SCRIB: variants seen among roughly 807,000 people sequenced by gnomAD.
SCRIB encodes the protein scribble planar cell polarity protein.
SCRIB carries 72 observed loss-of-function variants against 170.0 expected under a neutral mutation model. The ratio of observed to expected loss-of-function variants is 0.42; its 90% CI spans 0.35 to 0.52. The LOEUF (loss-of-function observed/expected upper bound fraction) is 0.52, where lower values mean the gene tolerates loss of function less well. SCRIB is among the 20% of genes least tolerant of loss of function. The probability of loss-of-function intolerance (pLI) is 0.02; values close to 1 mark genes in which losing one functional copy is unlikely to be tolerated. For missense variants in SCRIB, 2,475 were observed against 2,338.5 expected (o/e 1.06, Z -1.20); for synonymous variants, 1,298 against 1,044.3 (o/e 1.24, Z -4.68).
Position 143,792,324 on chromosome 8 carries a change from C to T in SCRIB, c.4410G>A (p.Arg1470=), listed in dbSNP as rs782610730. 4 of 1,550,084 alleles carry T rather than the reference C, an allele frequency of 2.6e-6. No individual in the cohort carries two copies. Among genetic ancestry groups the T allele is most frequent in the African/African-American group, 2.7e-5 (2 of 73,712 alleles). ...TAKAERRHQE[R]LRVQSPEPPA... is the part of the protein sequence containing the mutation. ...GTGGCTCCGGACTCTGCACGCGCAG[C>T]CGCTCCTGGTGGCGCCGTTCAGCTT... Residue 1470 remains arginine, a synonymous_variant, in exon 32 of 37, where the codon CGG becomes CGA. Coordinates refer to ENST00000356994, the MANE Select transcript of SCRIB (RefSeq NM_182706.5).
At position 143,805,243 on chromosome 8, in the gene SCRIB, G is replaced by T; in HGVS notation, c.2539C>A (p.Pro847Thr). 1 of 1,536,382 alleles carries T rather than the reference G, an allele frequency of 6.5e-7. No individual in the cohort carries two copies. Among genetic ancestry groups the T allele is most frequent in the Non-Finnish European group, 8.7e-7 (1 of 1,146,152 alleles). The change falls in exon 19 of 37, where the codon CCC (proline) becomes ACC (threonine). Residue 847 changes from proline (P) to threonine (T), a missense_variant. By Grantham distance (38) the Pro-to-Thr change is conservative. Transcript: ENST00000356994. ...CCGGGGCTCTCAGGCGGGAGCAGGG[G>T]CAGGCGCAGCCCCCCTCCCCGCCGC... ...RERRGGGLRL[P>T]LLPPESPGPL...
In SCRIB at chr8:143,811,265, G is replaced by C; in HGVS notation, c.987C>G (p.Pro329=). 2 of 1,612,086 alleles carry C rather than the reference G, an allele frequency of 1.2e-6. No individual in the cohort carries two copies. The highest frequency in any genetic ancestry group is 3.3e-4 in the Middle Eastern group (2 of 6,060). Residue 329 remains proline (P), a synonymous_variant, in exon 10 of 37, where the codon CCC becomes CCG. Transcript: ENST00000356994. ...TGAGTGCCACACAGCCCCCGATCTCGGGCGGCAGCGCCTCGAGGTGGTTCC... is the reference window on the plus strand; with the variant it reads ...TGAGTGCCACACAGCCCCCGATCTCCGGCGGCAGCGCCTCGAGGTGGTTCC... ...VDRNHLEALP[P]EIGGCVALSV... is the part of the protein sequence containing the mutation.
Position 143,815,378 on chromosome 8 carries a change from G to C in SCRIB, c.-6C>G. On this transcript the variant is annotated 5_prime_UTR_variant, in exon 1 of 37. Transcript: ENST00000356994. ...AGCGGGATGCACTTGAGCATGGTGC[G>C]GGTGGGCGGCGCGGGCTCCGGCGGC... is the stretch of plus-strand genomic sequence containing the variant. 7.4e-7 allele frequency: 1 copy of C among 1,353,242 alleles called. No homozygotes were observed. The highest frequency in any genetic ancestry group is 9.6e-7 in the Non-Finnish European group (1 of 1,044,196). 83.8% of individuals were successfully genotyped at this position (1,353,242 alleles called of 1,614,324 possible).
At chr8:143,801,547 TAAAGG>T (rs1186252606) in intron 24 of SCRIB, among the ~76,000 whole-genome samples, 3 of 152,192 alleles carry the variant, frequency 2.0e-5, no homozygotes, top group Non-Finnish European at 4.4e-5. Flanking sequence ...CCCATTTTTT[TAAAGG>T]AAAAGATAAG....
intron 35 of SCRIB, 58 bp downstream of exon 35, chr8:143,791,608 G>GA: frequency 4.6e-6 from 7 of 1,529,340 alleles, no homozygotes; most frequent in Non-Finnish European, 6.3e-6. Flanking sequence ...GGAGCGGATG[G>GA]GGGCGGTGGC....
chr8:143,807,710 G>C, intron 15 of SCRIB, 96 bp from the exon 16 acceptor site: 1 of 991,842 alleles, frequency 1.0e-6, no homozygotes, highest in Non-Finnish European at 1.6e-6. Context: ...AAAGGACAGA[G>C]GAGACCACAG....
chr8:143,797,973 G>A (rs1554634332), intron 24 of SCRIB, among the ~76,000 whole-genome samples: 1 of 152,224 alleles, frequency 6.6e-6, no homozygotes, highest in Non-Finnish European at 1.5e-5. Context: ...ATTTTTCAAA[G>A]AGAAACAAAT....
At chr8:143,806,550 G>GA in intron 17 of SCRIB, 66 bp from the exon 18 acceptor site, 1 of 1,352,404 alleles carries the variant, frequency 7.4e-7, no homozygotes, top group Admixed American at 2.0e-5. Flanking sequence ...TCCTTCTGCA[G>GA]AAGACCCAGG....
In SCRIB at chr8:143,793,079, G is replaced by A; in HGVS notation, c.3914C>T (p.Pro1305Leu). Residue 1305 changes from proline (P) to leucine (L), a missense_variant, in exon 29 of 37, where the codon CCC (proline) becomes CTC (leucine). By Grantham distance (98) the Pro-to-Leu change is moderately conservative. Transcript: ENST00000356994. Reference sequence around the variant, plus strand: ...CAGCTCATCCGGAGAAGGCGGGGAGGGCGGCTGGGGGGTGGGGCTCTTGTG... The same window carrying A: ...CAGCTCATCCGGAGAAGGCGGGGAGAGCGGCTGGGGGGTGGGGCTCTTGTG... ...SPCSPSGQQPPSPPSPDELPA... is the reference protein window; with the variant it reads ...SPCSPSGQQPLSPPSPDELPA... The A allele has an allele frequency of 6.8e-7, 1 of 1,468,530 alleles. No homozygotes were observed. Among genetic ancestry groups the A allele is most frequent in the Non-Finnish European group, 9.0e-7 (1 of 1,107,676 alleles). The allele number at this position is 1,468,530 out of a possible 1,614,324, so 91.0% of individuals were successfully genotyped here.
At position 143,792,480 on chromosome 8, in the gene SCRIB, C is replaced by T. The variant is rs1554633102; in HGVS notation, c.4328+5G>A. The T allele has an allele frequency of 1.3e-6, 2 of 1,534,620 alleles. No homozygotes were observed. Among genetic ancestry groups the T allele is most frequent in the South Asian group, 1.2e-5 (1 of 81,866 alleles). ...GTAGGGGGCGTCTGGTGGGCGGGTGCTCACCTTGAGGTGGGGCTCGGGCTG... is the reference window on the plus strand; with the variant it reads ...GTAGGGGGCGTCTGGTGGGCGGGTGTTCACCTTGAGGTGGGGCTCGGGCTG... On this transcript the variant is annotated splice_donor_5th_base_variant and intron_variant, in intron 31 of 36. Transcript: ENST00000356994.
chr8:143,806,532 A>C (rs1234499458), intron 17 of SCRIB, 48 bp from the exon 18 acceptor site: 7 of 1,447,444 alleles, frequency 4.8e-6, no homozygotes, highest in Non-Finnish European at 6.7e-6. Flanking sequence ...ACGGGCCCGC[A>C]TTCCTGCTCC....
rs928586501 is a variant in SCRIB, at chr8:143,815,373, G to A, written c.-1C>T. On this transcript the variant is annotated 5_prime_UTR_variant, in exon 1 of 37. Transcript: ENST00000356994. Reference sequence around the variant, plus strand: ...GCCACAGCGGGATGCACTTGAGCATGGTGCGGGTGGGCGGCGCGGGCTCCG... The same window carrying A: ...GCCACAGCGGGATGCACTTGAGCATAGTGCGGGTGGGCGGCGCGGGCTCCG... 7 of 1,374,082 alleles carry A rather than the reference G, an allele frequency of 5.1e-6. No individual in the cohort carries two copies. The Middle Eastern group carries it at 8.0e-4, about 157-fold the overall frequency. The allele number at this position is 1,374,082 out of a possible 1,614,324, so 85.1% of individuals were successfully genotyped here. A position where few individuals can be genotyped will look rare whatever the true frequency, so the allele number is the denominator to read the frequency against.
chr8:143,792,319 C>T lies in SCRIB; in HGVS notation c.4415G>A (p.Arg1472His), dbSNP rs1179061524. 8 of 1,550,732 alleles carry T rather than the reference C, an allele frequency of 5.2e-6. No homozygotes were observed. The highest frequency in any genetic ancestry group is 1.2e-5 in the South Asian group (1 of 85,796). Reference sequence around the variant, plus strand: ...TGCCGGTGGCTCCGGACTCTGCACGCGCAGCCGCTCCTGGTGGCGCCGTTC... The same window carrying T: ...TGCCGGTGGCTCCGGACTCTGCACGTGCAGCCGCTCCTGGTGGCGCCGTTC... Reference protein sequence around the residue: ...KAERRHQERLRVQSPEPPAPE... With the variant: ...KAERRHQERLHVQSPEPPAPE... The change falls in exon 32 of 37, where the codon CGC (arginine) becomes CAC (histidine). Residue 1472 changes from arginine to histidine, a missense_variant. Transcript: ENST00000356994.
At position 143,815,621 on chromosome 8, in the gene SCRIB, G is replaced by C. The variant is rs1215423317; in HGVS notation, c.-249C>G. On this transcript the variant is annotated 5_prime_UTR_variant, in exon 1 of 37. Coordinates refer to ENST00000356994, the MANE Select transcript of SCRIB (RefSeq NM_182706.5). The stretch of plus-strand genomic sequence containing the variant: ...AGACTCTTAGGAAGCGCGGGGAGCG[G>C]CGGCGGCGGCGGCTCCGCATCCCGC... 1.0e-5 allele frequency: 10 copies of C among 982,162 alleles called. No individual in the cohort carries two copies. Among genetic ancestry groups the C allele is most frequent in the South Asian group, 9.4e-5 (2 of 21,272 alleles). 60.8% of individuals were successfully genotyped at this position (982,162 alleles called of 1,614,324 possible). A position where few individuals can be genotyped will look rare whatever the true frequency, so the allele number is the denominator to read the frequency against.
chr8:143,802,111 C>A (rs1209465071), intron 24 of SCRIB, among the ~76,000 whole-genome samples: 3 of 152,266 alleles, frequency 2.0e-5, no homozygotes, highest in African/African-American at 7.2e-5. Context: ...GCAAGGCCCT[C>A]TCTGAGAACC....
Position 143,805,005 on chromosome 8 carries a change from C to T in SCRIB, c.2680G>A (p.Val894Ile), listed in dbSNP as rs781909065. The stretch of plus-strand genomic sequence containing the variant: ...GCACCGCCCTCGGCAATGCGGGAGA[C>T]GAAGATGCCCTGCAGGGGAGGGTGG... The part of the protein sequence containing the change: ...PYRAGDAGIF[V>I]SRIAEGGAAH... Residue 894 changes from valine to isoleucine, a missense_variant, in exon 20 of 37, where the codon GTC (valine) becomes ATC (isoleucine). Coordinates refer to ENST00000356994, the MANE Select transcript of SCRIB (RefSeq NM_182706.5). 44 of 1,586,548 alleles carry T rather than the reference C, an allele frequency of 2.8e-5. No individual in the cohort carries two copies. Among genetic ancestry groups the T allele is most frequent in the African/African-American group, 6.7e-5 (5 of 74,628 alleles).
rs765820887 is a variant in SCRIB, at chr8:143,805,006, G to A, written c.2679C>T (p.Phe893=). The change falls in exon 20 of 37, where the codon TTC becomes TTT. Residue 893 remains phenylalanine, a synonymous_variant. Transcript: ENST00000356994. ...CACCGCCCTCGGCAATGCGGGAGACGAAGATGCCCTGCAGGGGAGGGTGGA... is the reference window on the plus strand; with the variant it reads ...CACCGCCCTCGGCAATGCGGGAGACAAAGATGCCCTGCAGGGGAGGGTGGA... ...TPYRAGDAGI[F]VSRIAEGGAA... 8.8e-6 allele frequency: 14 copies of A among 1,587,070 alleles called. No individual in the cohort carries two copies. In the East Asian group the frequency reaches 9.1e-5, roughly 10 times the overall value.
rs1394817388 is a variant in SCRIB, at chr8:143,815,672, C to T, written c.-300G>A. 1.0e-6 allele frequency: 1 copy of T among 983,156 alleles called. No individual in the cohort carries two copies. Among genetic ancestry groups the T allele is most frequent in the Non-Finnish European group, 1.2e-6 (1 of 829,030 alleles). The allele number at this position is 983,156 out of a possible 1,614,324, so 60.9% of individuals were successfully genotyped here. On this transcript the variant is annotated 5_prime_UTR_variant, in exon 1 of 37. Coordinates refer to ENST00000356994, the MANE Select transcript of SCRIB (RefSeq NM_182706.5). ...TTGGTCCTGCTCAGCTCGTCCCGCC[C>T]GCTCGTCCGCCCGCTGTGCCGCACC...
intron 8 of SCRIB, 129 bp from the exon 9 acceptor site, chr8:143,812,513 A>G: frequency 1.4e-6 from 1 of 728,918 alleles, no homozygotes; most frequent in Non-Finnish European, 2.3e-6. Flanking sequence ...GTACTTCGGG[A>G]GGACCCTACC....
Sources: gnomAD v4.1 joint callset for allele counts (sites outside exome capture counted in the v4.1 genomes callset) on GRCh38, gnomAD v4.1.1 for gene constraint, MANE v1.5 for transcripts, NCBI Gene and HGNC (gene_info 2026-07-23, HGNC 2026-07-21) for gene names.